Variants in PLAGL2 observed in about 807,000 individuals in gnomAD.
PLAGL2 encodes the protein zinc finger protein PLAGL2.
In PLAGL2, 7 loss-of-function variants were observed where a neutral mutation model predicts 29.0. That is an observed-to-expected ratio of 0.24 (90% CI 0.14 to 0.45). PLAGL2 has a LOEUF of 0.45. PLAGL2 is among the 20% of genes least tolerant of loss of function. The pLI is 0.99. For missense variants in PLAGL2, 454 were observed against 648.2 expected, an observed-to-expected ratio of 0.70 and a Z score of 3.25; for synonymous variants, 234 against 266.0, an observed-to-expected ratio of 0.88 and a Z score of 1.17.
Position 32,197,551 on chromosome 20 carries a change from T to G in PLAGL2, c.392A>C (p.Glu131Ala). Reference sequence around the variant, plus strand: ...CTTCGTATTGTAATTCTTACCGCACTCAGAGCAGTGGAGGGCCTCTTTGTT... The same window carrying G: ...CTTCGTATTGTAATTCTTACCGCACGCAGAGCAGTGGAGGGCCTCTTTGTT... ...DPNKEALHCSECGKNYNTKLG... is the reference protein window; with the variant it reads ...DPNKEALHCSACGKNYNTKLG... The change falls in exon 3 of 3, where the codon GAG becomes GCG. Residue 131 changes from glutamate (E) to alanine (A), a missense_variant. By Grantham distance (107) the Glu-to-Ala change is moderately radical. Around this residue, in one of 4 missense-constraint regions of PLAGL2, gnomAD observed 111 missense variants for 173.1 expected, o/e 0.64. Transcript: ENST00000246229. The surrounding 1 kb of genome is among the most constrained non-coding windows in gnomAD (Gnocchi z 6.6). 6.2e-7 allele frequency: 1 copy of G among 1,614,232 alleles called. No homozygotes were observed. Among genetic ancestry groups the G allele is most frequent in the Non-Finnish European group, 8.5e-7 (1 of 1,180,032 alleles).
At position 32,194,548 on chromosome 20, in the gene PLAGL2, T is replaced by C. The variant is rs1409798405; in HGVS notation, c.*1904A>G. The C allele has an allele frequency of 7.9e-5, 12 of 152,612 alleles. No homozygotes were observed. The highest frequency in any genetic ancestry group is 7.9e-4 in the Admixed American group (12 of 15,282). The allele number at this position is 152,612 out of a possible 1,614,324, so 9.5% of individuals were successfully genotyped here. A position where few individuals can be genotyped will look rare whatever the true frequency, so the allele number is the denominator to read the frequency against. On this transcript the variant is annotated 3_prime_UTR_variant, in exon 3 of 3. Coordinates refer to ENST00000246229, the MANE Select transcript of PLAGL2 (RefSeq NM_002657.3). ...CACACTTACTCCAAATTGCTTCTAA[T>C]CAAGAGCTAGGGAGCTAAATTTTAA...
At chr20:32,200,126 T>C (rs1338798603) in intron 2 of PLAGL2, among the ~76,000 whole-genome samples, 3 of 152,258 alleles carry the variant, frequency 2.0e-5, no homozygotes, top group Non-Finnish European at 4.4e-5. Context: ...CCCATCTGTC[T>C]GGCTCACTAC....
chr20:32,203,712 T>G (rs2047271381), intron 1 of PLAGL2, among the ~76,000 whole-genome samples: 1 of 152,224 alleles, frequency 6.6e-6, no homozygotes, highest in African/African-American at 2.4e-5. Flanking sequence ...TCCAACAGAC[T>G]GGCCGTGAAC....
intron 2 of PLAGL2, among the ~76,000 whole-genome samples, chr20:32,200,307 G>A (rs914911138): frequency 3.3e-5 from 5 of 151,488 alleles, no homozygotes; most frequent in African/African-American, 9.7e-5. Context: ...GTGTGATCTC[G>A]GCTCACTGCA....
intron 1 of PLAGL2, among the ~76,000 whole-genome samples, chr20:32,205,104 C>T (rs1027823398): frequency 3.3e-5 from 5 of 152,210 alleles, no homozygotes; most frequent in East Asian, 1.9e-4. Context: ...CTGTAAGATT[C>T]GTATAGAGGA....
intron 1 of PLAGL2, 42 bp downstream of exon 1, chr20:32,207,599 C>G (rs1365825006): frequency 6.4e-6 from 1 of 157,022 alleles, no homozygotes; most frequent in South Asian, 2.0e-4. Flanking sequence ...CGGCCTCCCG[C>G]CCCTCTCCCC....
At chr20:32,202,997 C>G (rs1340003600) in intron 1 of PLAGL2, among the ~76,000 whole-genome samples, 1 of 152,200 alleles carries the variant, frequency 6.6e-6, no homozygotes, top group Non-Finnish European at 1.5e-5. Flanking sequence ...GGGCCCAGAC[C>G]ATCCCTCTTT....
At chr20:32,207,471 A>G (rs1195891193) in intron 1 of PLAGL2, among the ~76,000 whole-genome samples, 170 bp downstream of exon 1, 1 of 152,108 alleles carries the variant, frequency 6.6e-6, no homozygotes, top group Non-Finnish European at 1.5e-5. Context: ...CCCAGGGCCT[A>G]TCTGGGGCCG....
rs1311319261 is a variant in PLAGL2 at position 32,192,806 on chromosome 20, T to C, written c.*3646A>G. ...GACCGCTGGTAGGGAGGGAGAAGCATGAGAAGTGGTGTCTCAGGAGTTCTA... is the reference window on the plus strand; with the variant it reads ...GACCGCTGGTAGGGAGGGAGAAGCACGAGAAGTGGTGTCTCAGGAGTTCTA... On this transcript the variant is annotated 3_prime_UTR_variant, in exon 3 of 3. Transcript: ENST00000246229. 1 of 152,574 alleles carries C rather than the reference T, an allele frequency of 6.6e-6. No homozygotes were observed. Among genetic ancestry groups the C allele is most frequent in the Admixed American group, 6.5e-5 (1 of 15,278 alleles). 9.5% of individuals were successfully genotyped at this position (152,574 alleles called of 1,614,324 possible). A position where few individuals can be genotyped will look rare whatever the true frequency, so the allele number is the denominator to read the frequency against.
Position 32,196,677 on chromosome 20 carries a change from T to C in PLAGL2, c.1266A>G (p.Pro422=), listed in dbSNP as rs1298362321. 6.5e-7 allele frequency: 1 copy of C among 1,544,736 alleles called. No homozygotes were observed. The highest frequency in any genetic ancestry group is 1.3e-5 in the South Asian group (1 of 78,932). The change falls in exon 3 of 3, where the codon CCA becomes CCG. Residue 422 remains proline, a synonymous_variant. Transcript: ENST00000246229. ...VDFSHLLGFL[P]LNLPPCNPPG... is the part of the protein sequence containing the mutation. ...GTGGGTTACACGGGGGCAGGTTGAG[T>C]GGAAGAAAGCCCAGTAGGTGGGAGA...
chr20:32,203,319 G>A (rs1477997479), intron 1 of PLAGL2, among the ~76,000 whole-genome samples: 3 of 152,182 alleles, frequency 2.0e-5, no homozygotes, highest in East Asian at 3.8e-4. Flanking sequence ...GTGGGGAGCC[G>A]AAATCTTAAA....
At position 32,195,215 on chromosome 20, in the gene PLAGL2, A is replaced by G. The variant is rs2047221440; in HGVS notation, c.*1237T>C. ...TGGTTTGGGACACAACAATGTACCC[A>G]TAGATTAGGACTTAGCTATCTACCC... On this transcript the variant is annotated 3_prime_UTR_variant, in exon 3 of 3. Transcript: ENST00000246229. 6.6e-6 allele frequency: 1 copy of G among 152,384 alleles called. No individual in the cohort carries two copies. Among genetic ancestry groups the G allele is most frequent in the South Asian group, 2.1e-4 (1 of 4,830 alleles). The allele number at this position is 152,384 out of a possible 1,614,324, so 9.4% of individuals were successfully genotyped here. A position where few individuals can be genotyped will look rare whatever the true frequency, so the allele number is the denominator to read the frequency against.
chr20:32,205,249 C>G (rs1371287686), intron 1 of PLAGL2, among the ~76,000 whole-genome samples: 2 of 152,096 alleles, frequency 1.3e-5, no homozygotes, highest in Non-Finnish European at 1.5e-5. Flanking sequence ...TTTTTTTCCT[C>G]TTTAATGTTA....
rs140232790 is a variant in PLAGL2, at chr20:32,196,821, G to A, written c.1122C>T (p.Ser374=). The A allele has an allele frequency of 1.9e-4, 311 of 1,613,756 alleles. 5 individuals carry two copies. In the South Asian group the frequency reaches 3.2e-3, roughly 17 times the overall value. Residue 374 remains serine (S), a synonymous_variant, in exon 3 of 3, where the codon TCC becomes TCT. Coordinates refer to ENST00000246229, the MANE Select transcript of PLAGL2 (RefSeq NM_002657.3). Reference sequence around the variant, plus strand: ...GAGGTGAGGCGGGCTGGGGTTCAGCGGATGAGAGAGACAGGCTTCCAGGAA... The same window carrying A: ...GAGGTGAGGCGGGCTGGGGTTCAGCAGATGAGAGAGACAGGCTTCCAGGAA... The part of the protein sequence containing the change: ...AELPGSLSLS[S]AEPQPASPQP...
intron 1 of PLAGL2, among the ~76,000 whole-genome samples, chr20:32,202,555 G>A (rs1357904202): frequency 6.6e-6 from 1 of 152,216 alleles, no homozygotes; most frequent in East Asian, 1.9e-4. Context: ...AGTGCTTAGT[G>A]GTAGCTACTA....
Position 32,196,714 on chromosome 20 carries a change from G to C in PLAGL2, c.1229C>G (p.Ala410Gly). Reference protein sequence around the residue: ...PANLSEALCAANVDFSHLLGF... With the variant: ...PANLSEALCAGNVDFSHLLGF... ...CAGTAGGTGGGAGAAGTCCACATTA[G>C]CAGCGCAGAGGGCCTCAGAGAGGTT... Residue 410 changes from alanine (A) to glycine (G), a missense_variant, in exon 3 of 3, where the codon GCT (alanine) becomes GGT (glycine). Ala to Gly is a moderately conservative substitution (Grantham distance 60). Transcript: ENST00000246229. 1 of 1,570,042 alleles carries C rather than the reference G, an allele frequency of 6.4e-7. No individual in the cohort carries two copies. The highest frequency in any genetic ancestry group is 8.6e-7 in the Non-Finnish European group (1 of 1,157,318).
intron 1 of PLAGL2, among the ~76,000 whole-genome samples, chr20:32,205,082 T>C (rs1431006350): frequency 6.6e-6 from 1 of 152,208 alleles, no homozygotes; most frequent in Non-Finnish European, 1.5e-5. Context: ...AATACGGATT[T>C]ATTTTCCTTA....
rs1442743384 is a variant in PLAGL2 at position 32,196,337 on chromosome 20, T to G, written c.*115A>C. 5 of 740,322 alleles carry G rather than the reference T, an allele frequency of 6.8e-6. No homozygotes were observed. The highest frequency in any genetic ancestry group is 1.0e-5 in the Non-Finnish European group (5 of 498,300). The allele number at this position is 740,322 out of a possible 1,614,324, so 45.9% of individuals were successfully genotyped here. ...TGCTCCTGTATACAGACACTGGAAT[T>G]TTTTTTTTTGAACCCAGCTCTGAAA... On this transcript the variant is annotated 3_prime_UTR_variant, in exon 3 of 3. Transcript: ENST00000246229.
chr20:32,204,524 G>C (rs574901686), intron 1 of PLAGL2, among the ~76,000 whole-genome samples: 1 of 152,166 alleles, frequency 6.6e-6, no homozygotes, highest in South Asian at 2.1e-4. Flanking sequence ...TTTTAATGGG[G>C]CTATGTCTTC....
Sources: allele counts gnomAD v4.1 joint callset (sites outside exome capture counted in the v4.1 genomes callset), GRCh38; gene constraint gnomAD v4.1.1; regional missense constraint gnomAD v4.1.1; non-coding constraint Gnocchi (gnomAD v3.1); transcripts MANE v1.5; gene names NCBI Gene and HGNC (gene_info 2026-07-23, HGNC 2026-07-21).